The following KANSL1L variants were observed in gnomAD, a reference collection of about 807,000 sequenced individuals.
KANSL1L encodes the protein KAT8 regulatory NSL complex subunit 1 like.
Under a neutral mutation model 108.6 loss-of-function variants are expected in KANSL1L, and 25 were observed. The ratio of observed to expected loss-of-function variants is 0.23; its 90% CI spans 0.17 to 0.32. The LOEUF (loss-of-function observed/expected upper bound fraction) is 0.32, where lower values mean the gene tolerates loss of function less well. KANSL1L is among the 10% of genes least tolerant of loss of function. KANSL1L has a pLI of 1.00. For missense variants in KANSL1L, 1,137 were observed against 1,125.7 expected (o/e 1.01, Z -0.14); for synonymous variants, 405 against 395.1 (o/e 1.03, Z -0.30).
intron 5 of KANSL1L, among the ~76,000 whole-genome samples, chr2:210,085,499 A>C (rs955792100): frequency 2.0e-5 from 3 of 152,180 alleles, no homozygotes; most frequent in African/African-American, 7.2e-5. Context: ...CTGATAATTG[A>C]GACATAAAGT....
intron 3 of KANSL1L, among the ~76,000 whole-genome samples, chr2:210,108,052 C>T (rs2094867851): frequency 1.3e-5 from 2 of 152,092 alleles, no homozygotes; most frequent in Admixed American, 6.6e-5. Flanking sequence ...TATTTCAAGA[C>T]AGTACTGGCC....
chr2:210,161,773 TTTTA>T (rs1308697605), intron 1 of KANSL1L, among the ~76,000 whole-genome samples: 1 of 152,152 alleles, frequency 6.6e-6, no homozygotes, highest in African/African-American at 2.4e-5. Flanking sequence ...TAGCTTTAAA[TTTTA>T]TTTATTTTTT....
At position 210,075,633 on chromosome 2, in the gene KANSL1L, T is replaced by C. The variant is rs748952844; in HGVS notation, c.1674A>G (p.Thr558=). The C allele has an allele frequency of 1.2e-6, 2 of 1,614,026 alleles. No homozygotes were observed. Among genetic ancestry groups the C allele is most frequent in the Non-Finnish European group, 1.7e-6 (2 of 1,179,904 alleles). The part of the protein sequence containing the change: ...LKSSSLTFMS[T]SARTRPLQSF... The stretch of plus-strand genomic sequence containing the variant: ...TCTGAAGTGGCCTTGTTCGGGCTGA[T>C]GTACTCATGAAAGTCAAGGATGAAG... The change falls in exon 6 of 15, where the codon ACA becomes ACG. Residue 558 remains threonine (T), a synonymous_variant. Coordinates refer to ENST00000281772, the MANE Select transcript of KANSL1L (RefSeq NM_152519.4).
At chr2:210,025,265 T>C (rs368678696) in intron 12 of KANSL1L, 49 bp from the exon 13 acceptor site, 2 of 1,185,300 alleles carry the variant, frequency 1.7e-6, no homozygotes, top group African/African-American at 1.5e-5. Flanking sequence ...CATTTTGAAA[T>C]ATAAGATCAG....
chr2:210,141,734 G>C (rs760090267), intron 2 of KANSL1L, among the ~76,000 whole-genome samples: 4 of 152,170 alleles, frequency 2.6e-5, no homozygotes, highest in African/African-American at 9.7e-5. Context: ...TTTATTGGTA[G>C]AGGTACATTC....
At chr2:210,052,766 C>T (rs2094307240) in intron 6 of KANSL1L, among the ~76,000 whole-genome samples, 1 of 152,176 alleles carries the variant, frequency 6.6e-6, no homozygotes, top group South Asian at 2.1e-4. Flanking sequence ...TGCCTAGGCA[C>T]TGTGTGGCAC....
At chr2:210,130,769 G>C (rs2095112539) in intron 2 of KANSL1L, among the ~76,000 whole-genome samples, 2 of 151,786 alleles carry the variant, frequency 1.3e-5, no homozygotes, top group Admixed American at 6.6e-5. Context: ...ATGCTAGCGC[G>C]TAGCATTTTA....
Position 210,029,937 on chromosome 2 carries a change from T to A in KANSL1L, c.2156-19A>T, listed in dbSNP as rs371248040. 1 of 1,271,894 alleles carries A rather than the reference T, an allele frequency of 7.9e-7. No homozygotes were observed. The highest frequency in any genetic ancestry group is 2.3e-5 in the East Asian group (1 of 42,850). 78.8% of individuals were successfully genotyped at this position (1,271,894 alleles called of 1,614,324 possible). A position where few individuals can be genotyped will look rare whatever the true frequency, so the allele number is the denominator to read the frequency against. ...CTTTCTCCTGCCATGGAAAGAACCATTGAATGTTACACATTAAACAAGTCT... is the reference window on the plus strand; with the variant it reads ...CTTTCTCCTGCCATGGAAAGAACCAATGAATGTTACACATTAAACAAGTCT... On this transcript the variant is annotated intron_variant, in intron 9 of 14. Coordinates refer to ENST00000281772, the MANE Select transcript of KANSL1L (RefSeq NM_152519.4).
intron 8 of KANSL1L, among the ~76,000 whole-genome samples, chr2:210,036,954 A>G (rs547732767): frequency 6.6e-6 from 1 of 151,848 alleles, no homozygotes; most frequent in East Asian, 2.0e-4. Context: ...ATGGGGTTTC[A>G]CTATATTTCC....
At chr2:210,069,120 T>G (rs1353150228) in intron 6 of KANSL1L, among the ~76,000 whole-genome samples, 1 of 152,212 alleles carries the variant, frequency 6.6e-6, no homozygotes, top group Non-Finnish European at 1.5e-5. Context: ...GGAAATTTCC[T>G]CAGCTAAATA....
At chr2:210,058,560 G>A (rs187431662) in intron 6 of KANSL1L, among the ~76,000 whole-genome samples, 8 of 152,142 alleles carry the variant, frequency 5.3e-5, no homozygotes, top group East Asian at 1.9e-4. Context: ...TTGGCCAGGC[G>A]CAGTGGCTCA....
Position 210,023,685 on chromosome 2 carries a change from G to A in KANSL1L, c.2733+348C>T, listed in dbSNP as rs1462754018. Among the ~76,000 whole-genome samples, 3 of 152,130 alleles carry A rather than the reference G, an allele frequency of 2.0e-5. No individual in the cohort carries two copies. In the East Asian group the frequency reaches 5.8e-4, roughly 29 times the overall value. The stretch of plus-strand genomic sequence containing the variant: ...CCTTTAAAGTAGGAACTGGGTCTGT[G>A]GTGAGGCATGTAAAAATCTTAAGAT... On this transcript the variant is annotated intron_variant, in intron 14 of 14. Coordinates refer to ENST00000281772, the MANE Select transcript of KANSL1L (RefSeq NM_152519.4).
At chr2:210,109,714 T>C (rs2094886025) in intron 3 of KANSL1L, among the ~76,000 whole-genome samples, 1 of 152,096 alleles carries the variant, frequency 6.6e-6, no homozygotes, top group Admixed American at 6.5e-5. Flanking sequence ...GTGCTTCCTA[T>C]TAAAGGGTTC....
intron 1 of KANSL1L, among the ~76,000 whole-genome samples, chr2:210,162,383 T>C (rs915611639): frequency 5.9e-5 from 9 of 151,508 alleles, no homozygotes; most frequent in Non-Finnish European, 1.2e-4. Flanking sequence ...AACTGGGTGG[T>C]CAGTGGTGCT....
chr2:210,025,705 T>A (rs1181298173), intron 12 of KANSL1L, among the ~76,000 whole-genome samples: 3 of 152,206 alleles, frequency 2.0e-5, no homozygotes, highest in Non-Finnish European at 4.4e-5. Flanking sequence ...CAAAATTTTT[T>A]AAAAATTATT....
chr2:210,140,049 T>C (rs779898992), intron 2 of KANSL1L, among the ~76,000 whole-genome samples: 14 of 152,172 alleles, frequency 9.2e-5, no homozygotes, highest in Non-Finnish European at 2.1e-4. Context: ...TTTCTTACTA[T>C]TGAGTAATTT....
intron 6 of KANSL1L, among the ~76,000 whole-genome samples, chr2:210,074,106 G>A (rs1292928253): frequency 6.6e-6 from 1 of 152,162 alleles, no homozygotes; most frequent in Non-Finnish European, 1.5e-5. Flanking sequence ...GGCTTCCTGA[G>A]AGAAATGACA....
At chr2:210,139,097 TCAAAA>T (rs548956721) in intron 2 of KANSL1L, among the ~76,000 whole-genome samples, 115 of 152,182 alleles carry the variant, frequency 7.6e-4, no homozygotes, top group Admixed American at 2.0e-3. Flanking sequence ...AGACTCCATC[TCAAAA>T]CAAAACAAAA....
intron 1 of KANSL1L, among the ~76,000 whole-genome samples, chr2:210,170,916 C>T (rs942416343): frequency 6.9e-6 from 1 of 145,400 alleles, no homozygotes; most frequent in Non-Finnish European, 1.5e-5. Flanking sequence ...GCTGCCAAGG[C>T]TGTTAGGTTT....
Sources: gnomAD v4.1 joint callset for allele counts (sites outside exome capture counted in the v4.1 genomes callset) on GRCh38, gnomAD v4.1.1 for gene constraint, MANE v1.5 for transcripts, NCBI Gene and HGNC (gene_info 2026-07-23, HGNC 2026-07-21) for gene names.